The following ADGRG7 variants were observed in gnomAD, a reference collection of about 807,000 sequenced individuals.
ADGRG7 encodes adhesion G protein-coupled receptor G7, also known as G-protein coupled receptor 128.
In ADGRG7, 82 loss-of-function variants were observed where a neutral mutation model predicts 88.6. The ratio of observed to expected loss-of-function variants is 0.93; its 90% confidence interval spans 0.77 to 1.11. ADGRG7 has a LOEUF of 1.11. ADGRG7 is among the 50% of genes most tolerant of loss of function. The pLI, the probability that ADGRG7 is intolerant of heterozygous loss-of-function variation, is 0.00. For synonymous variants in ADGRG7, 381 were observed against 345.2 expected (o/e 1.10, Z -1.15); for missense variants, 945 against 953.4 (o/e 0.99, Z 0.12).
chr3:100,670,722 C>G (rs1048174761), intron 15 of ADGRG7, among the ~76,000 whole-genome samples: 18 of 152,242 alleles, frequency 1.2e-4, no homozygotes, highest in African/African-American at 4.3e-4. Flanking sequence ...GCCCCCCAGC[C>G]CCCGACAGGC....
At chr3:100,687,020 T>A (rs1183163172) in intron 15 of ADGRG7, among the ~76,000 whole-genome samples, 1 of 152,228 alleles carries the variant, frequency 6.6e-6, no homozygotes, top group Non-Finnish European at 1.5e-5. Context: ...GAGCATGGAA[T>A]GTTCTTCCAT....
At position 100,688,753 on chromosome 3, in the gene ADGRG7, A is replaced by G. The variant is rs543000186; in HGVS notation, c.2137-5991A>G. On this transcript the variant is annotated intron_variant, in intron 15 of 15. Transcript: ENST00000273352. ...TGTGGTCTGACAGACAGTTTGTTATAATTTCTGTTCTTTTACATTTGCTGA... is the reference window on the plus strand; with the variant it reads ...TGTGGTCTGACAGACAGTTTGTTATGATTTCTGTTCTTTTACATTTGCTGA... Among the ~76,000 whole-genome samples the G allele has an allele frequency of 7.4e-4, 112 of 152,174 alleles. 1 individual carries two copies. Among genetic ancestry groups the G allele is most frequent in the Middle Eastern group, 3.4e-3 (1 of 294 alleles).
intron 11 of ADGRG7, among the ~76,000 whole-genome samples, chr3:100,651,733 T>G (rs2094929588): frequency 6.6e-6 from 1 of 151,972 alleles, no homozygotes; most frequent in South Asian, 2.1e-4. Flanking sequence ...AAGACAAAAT[T>G]TTATTGATTT....
intron 1 of ADGRG7, among the ~76,000 whole-genome samples, chr3:100,622,585 A>G (rs1041238979): frequency 6.6e-6 from 1 of 152,138 alleles, no homozygotes; most frequent in Non-Finnish European, 1.5e-5. Context: ...GCCCACTTAA[A>G]AAAAGCGGGC....
At chr3:100,648,649 T>C (rs904631561) in intron 10 of ADGRG7, among the ~76,000 whole-genome samples, 1 of 152,098 alleles carries the variant, frequency 6.6e-6, no homozygotes, top group Non-Finnish European at 1.5e-5. Flanking sequence ...TTTTTAAGCA[T>C]GTAAGAAAAA....
At chr3:100,644,130 A>T (rs948006730) in intron 8 of ADGRG7, among the ~76,000 whole-genome samples, 1 of 152,168 alleles carries the variant, frequency 6.6e-6, no homozygotes, top group Non-Finnish European at 1.5e-5. Flanking sequence ...ATTGTCCTAC[A>T]TATAACCTTT....
Position 100,629,470 on chromosome 3 carries a change from C to A in ADGRG7, c.116-128C>A, listed in dbSNP as rs1046262572. ...GTATATTTTATTAATGATGATATTACAAAGAATATTTCTCAGCAATGATAC... is the reference window on the plus strand; with the variant it reads ...GTATATTTTATTAATGATGATATTAAAAAGAATATTTCTCAGCAATGATAC... On this transcript the variant is annotated intron_variant, in intron 1 of 15. Coordinates refer to ENST00000273352, the MANE Select transcript of ADGRG7 (RefSeq NM_032787.3). 2.6e-5 allele frequency: 16 copies of A among 606,990 alleles called. 1 individual carries two copies. Among genetic ancestry groups the A allele is most frequent in the African/African-American group, 3.7e-5 (2 of 53,418 alleles). 37.6% of individuals were successfully genotyped at this position (606,990 alleles called of 1,614,324 possible).
chr3:100,676,536 GA>G (rs1290734959), intron 15 of ADGRG7, among the ~76,000 whole-genome samples: 6 of 152,000 alleles, frequency 3.9e-5, no homozygotes, highest in African/African-American at 1.4e-4. Context: ...CTATATTTGA[GA>G]ATGATCCACA....
chr3:100,618,043 G>A (rs1707250857), intron 1 of ADGRG7, among the ~76,000 whole-genome samples: 1 of 152,046 alleles, frequency 6.6e-6, no homozygotes, highest in Non-Finnish European at 1.5e-5. Flanking sequence ...CATATCCTTC[G>A]CTCGCTTTTT....
chr3:100,677,123 C>T (rs2094966454), intron 15 of ADGRG7, among the ~76,000 whole-genome samples: 1 of 151,972 alleles, frequency 6.6e-6, no homozygotes. Context: ...TGACTTACTT[C>T]TGCCATTTTG....
At chr3:100,628,828 G>A (rs1345765493) in intron 1 of ADGRG7, among the ~76,000 whole-genome samples, 1 of 152,074 alleles carries the variant, frequency 6.6e-6, no homozygotes. Context: ...TTGAGTTCTA[G>A]TTCTCATTTA....
Position 100,645,698 on chromosome 3 carries a change from G to A in ADGRG7, c.947-247G>A, listed in dbSNP as rs532999625. ...TGAGGTGGACTAGGCAGAAATTCTC[G>A]TTCCTGTGTAGAAGGTAAGGAAACT... On this transcript the variant is annotated intron_variant, in intron 8 of 15. Transcript: ENST00000273352. Among the ~76,000 whole-genome samples the A allele has an allele frequency of 4.6e-5, 7 of 151,842 alleles. No homozygotes were observed. The South Asian group carries it at 6.2e-4, about 14-fold the overall frequency.
At position 100,655,935 on chromosome 3, in the gene ADGRG7, T is replaced by G. The variant is rs1576327473; in HGVS notation, c.1763T>G (p.Val588Gly). The G allele has an allele frequency of 6.2e-7, 1 of 1,607,990 alleles. No individual in the cohort carries two copies. Among genetic ancestry groups the G allele is most frequent in the Non-Finnish European group, 8.5e-7 (1 of 1,174,702 alleles). Residue 588 changes from valine to glycine, a missense_variant, in exon 13 of 16, where the codon GTT (valine) becomes GGT (glycine). By Grantham distance (109) the Val-to-Gly change is moderately radical. Coordinates refer to ENST00000273352, the MANE Select transcript of ADGRG7 (RefSeq NM_032787.3). ...PAIVVAITVG[V>G]IYSQNGNNPQ... The stretch of plus-strand genomic sequence containing the variant: ...ATAGTAGTGGCTATAACAGTGGGAG[T>G]TATTTATTCTCAGAATGGAAATAAT...
At chr3:100,643,998 CT>C (rs1214410312) in intron 8 of ADGRG7, among the ~76,000 whole-genome samples, 4 of 152,194 alleles carry the variant, frequency 2.6e-5, no homozygotes, top group African/African-American at 9.6e-5. Flanking sequence ...GCATGACACT[CT>C]CAGGCTCAGA....
At position 100,646,708 on chromosome 3, in the gene ADGRG7, A is replaced by C. The variant is rs770401736; in HGVS notation, c.1250A>C (p.Asn417Thr). The C allele has an allele frequency of 3.2e-5, 51 of 1,613,882 alleles. No homozygotes were observed. The highest frequency in any genetic ancestry group is 4.2e-5 in the Non-Finnish European group (49 of 1,179,950). ...FLRCRCNHTT[N>T]FAVLMTFKKD... ...CGCTGCCGCTGCAACCATACTACTA[A>C]TTTTGCTGTATTAATGGTAAGGATA... Residue 417 changes from asparagine to threonine, a missense_variant, in exon 10 of 16, where the codon AAT becomes ACT. Transcript: ENST00000273352.
chr3:100,666,550 T>C (rs2094952026), intron 14 of ADGRG7, among the ~76,000 whole-genome samples: 1 of 152,166 alleles, frequency 6.6e-6, no homozygotes, highest in African/African-American at 2.4e-5. Context: ...CCTATCTCAG[T>C]AGATGGACCG....
At chr3:100,618,858 G>T (rs1484196044) in intron 1 of ADGRG7, among the ~76,000 whole-genome samples, 1 of 152,156 alleles carries the variant, frequency 6.6e-6, no homozygotes, top group Non-Finnish European at 1.5e-5. Flanking sequence ...AGCATGGAAT[G>T]TTCTTCCATT....
At chr3:100,617,822 G>T (rs376032821) in intron 1 of ADGRG7, among the ~76,000 whole-genome samples, 1 of 152,142 alleles carries the variant, frequency 6.6e-6, no homozygotes, top group Non-Finnish European at 1.5e-5. Flanking sequence ...CTAGTTTACA[G>T]TTCCACCAAC....
In ADGRG7 at chr3:100,679,603, G is replaced by A. The variant is rs1294850926; in HGVS notation, c.2136+10498G>A. ...CAGACTATTTTTAATACCATTTCTGGGAAGTGAAAGAAAAGCTCTTTATGA... is the reference window on the plus strand; with the variant it reads ...CAGACTATTTTTAATACCATTTCTGAGAAGTGAAAGAAAAGCTCTTTATGA... On this transcript the variant is annotated intron_variant, in intron 15 of 15. Coordinates refer to ENST00000273352, the MANE Select transcript of ADGRG7 (RefSeq NM_032787.3). Among the ~76,000 whole-genome samples, 3 of 152,120 alleles carry A rather than the reference G, an allele frequency of 2.0e-5. No homozygotes were observed. In the East Asian group the frequency reaches 5.8e-4, roughly 29 times the overall value.
Sources: allele counts gnomAD v4.1 joint callset (sites outside exome capture counted in the v4.1 genomes callset), GRCh38; gene constraint gnomAD v4.1.1; transcripts MANE v1.5; gene names NCBI Gene and HGNC (gene_info 2026-07-23, HGNC 2026-07-21).